Variants in SHISA9 observed in about 807,000 individuals in gnomAD.
The protein encoded by SHISA9 is protein shisa-9.
A neutral mutation model predicts 38.0 loss-of-function variants in SHISA9; 13 were observed. That is an observed-to-expected ratio of 0.34 (90% CI 0.22 to 0.54). SHISA9 has a LOEUF of 0.54. Among genes scored for constraint, SHISA9 ranks in the 20% least tolerant of loss-of-function variants. The pLI is 0.91. For synonymous variants in SHISA9, 275 were observed against 242.0 expected (o/e 1.14, Z -1.27); for missense variants, 538 against 575.8 (o/e 0.93, Z 0.67).
chr16:13,204,127 CTACCTAT>C (rs2051036570), intron 3 of SHISA9, among the ~76,000 whole-genome samples: 1 of 142,030 alleles, frequency 7.0e-6, no homozygotes. Flanking sequence ...TATCATCTAA[CTACCTAT>C]TATCTATCTA....
At chr16:12,959,496 G>C (rs554084481) in intron 2 of SHISA9, among the ~76,000 whole-genome samples, 1 of 152,048 alleles carries the variant, frequency 6.6e-6, no homozygotes, top group Non-Finnish European at 1.5e-5. Context: ...GTCCTCTTTC[G>C]AGGAAAAGAA....
At chr16:13,109,179 A>G (rs1314141287) in intron 2 of SHISA9, among the ~76,000 whole-genome samples, 4 of 152,150 alleles carry the variant, frequency 2.6e-5, no homozygotes, top group Non-Finnish European at 2.9e-5. Context: ...GATATGTGCC[A>G]TCATGCTTGG....
chr16:13,163,885 T>A (rs907113706), intron 2 of SHISA9, among the ~76,000 whole-genome samples: 1 of 152,080 alleles, frequency 6.6e-6, no homozygotes, highest in Non-Finnish European at 1.5e-5. Flanking sequence ...TTTTTTTAGA[T>A]TCCAAAGAAT....
chr16:13,479,306 A>T, the SHISA9 span, among the ~76,000 whole-genome samples: 5 of 152,154 alleles, frequency 3.3e-5, no homozygotes, highest in African/African-American at 9.7e-5. Flanking sequence ...CTGCAAAGCC[A>T]CTTTTGCCAT....
chr16:13,560,575 T>A, the SHISA9 span, among the ~76,000 whole-genome samples: 5 of 152,302 alleles, frequency 3.3e-5, no homozygotes, highest in South Asian at 1.0e-3. Flanking sequence ...AATTGTTAAT[T>A]GTTTTAAAGA....
At chr16:13,383,865 G>T in the SHISA9 span, among the ~76,000 whole-genome samples, 3 of 152,024 alleles carry the variant, frequency 2.0e-5, no homozygotes, top group Non-Finnish European at 4.4e-5. Flanking sequence ...ATGTTTCCCA[G>T]GCTGGTCTCA....
chr16:12,902,532 C>A lies in SHISA9; in HGVS notation c.468C>A (p.Ile156=). The change falls in exon 1 of 5, where the codon ATC becomes ATA. Residue 156 remains isoleucine (I), a synonymous_variant. Coordinates refer to ENST00000558583, the MANE Select transcript of SHISA9 (RefSeq NM_001145204.3). ...ACAAGACCAACCTGATCGTCTACAT[C>A]ATCTGCGGGGTGGTGGCCGTCATGG... ...TKDKTNLIVY[I]ICGVVAVMVL... The A allele has an allele frequency of 1.9e-6, 3 of 1,551,494 alleles. No homozygotes were observed. Among genetic ancestry groups the A allele is most frequent in the Non-Finnish European group, 2.6e-6 (3 of 1,146,994 alleles).
intron 2 of SHISA9, among the ~76,000 whole-genome samples, chr16:13,158,385 A>G (rs1323993926): frequency 6.6e-6 from 1 of 152,204 alleles, no homozygotes; most frequent in Non-Finnish European, 1.5e-5. Flanking sequence ...GAATTTCTGG[A>G]TGTCTGAGAA....
At chr16:13,189,066 A>G (rs67738272) in intron 2 of SHISA9, among the ~76,000 whole-genome samples, 25,055 of 152,224 alleles carry the variant, frequency 0.16, 2,528 homozygotes, top group African/African-American at 0.27. Context: ...GGAGAGAATC[A>G]TGGAGAACCC....
the SHISA9 span, among the ~76,000 whole-genome samples, chr16:13,320,292 C>CAAAAAAAAAAAAAAAAA: frequency 2.6e-5 from 1 of 38,978 alleles, no homozygotes; most frequent in African/African-American, 5.9e-5. Context: ...GACTCTGTCT[C>CAAAAAAAAAAAAAAAAA]AAAAAAAAAA....
the SHISA9 span, among the ~76,000 whole-genome samples, chr16:13,322,167 C>G: frequency 2.6e-5 from 4 of 152,326 alleles, no homozygotes; most frequent in African/African-American, 9.6e-5. Context: ...CTCGAAGGAG[C>G]TGAGTGCCTT....
intron 2 of SHISA9, among the ~76,000 whole-genome samples, chr16:13,087,695 T>A (rs1429531847): frequency 6.6e-6 from 1 of 152,238 alleles, no homozygotes; most frequent in Non-Finnish European, 1.5e-5. Context: ...CTTGTAAATT[T>A]GTTTGAGTTC....
the SHISA9 span, among the ~76,000 whole-genome samples, chr16:13,313,375 G>A: frequency 2.0e-5 from 3 of 152,164 alleles, no homozygotes; most frequent in South Asian, 6.2e-4. Flanking sequence ...TGGGAGAAGA[G>A]GCAGGAGAAA....
At chr16:13,368,523 T>G in the SHISA9 span, among the ~76,000 whole-genome samples, 1 of 152,028 alleles carries the variant, frequency 6.6e-6, no homozygotes, top group Admixed American at 6.6e-5. Flanking sequence ...TTTGTAGGAA[T>G]GAAGAGAGAG....
intron 2 of SHISA9, among the ~76,000 whole-genome samples, chr16:13,035,831 A>G (rs2073053363): frequency 6.6e-6 from 1 of 152,206 alleles, no homozygotes; most frequent in African/African-American, 2.4e-5. Flanking sequence ...TTAATATCAG[A>G]TTTAAATGGG....
chr16:13,177,160 G>A (rs1364160871), intron 2 of SHISA9, among the ~76,000 whole-genome samples: 1 of 152,152 alleles, frequency 6.6e-6, no homozygotes, highest in Non-Finnish European at 1.5e-5. Flanking sequence ...CACTTTGTTT[G>A]CACCAGGGAC....
chr16:13,325,976 G>A, the SHISA9 span, among the ~76,000 whole-genome samples: 1 of 150,756 alleles, frequency 6.6e-6, no homozygotes, highest in Non-Finnish European at 1.5e-5. Flanking sequence ...TAGATGACGG[G>A]TCGATGGGTG....
At chr16:13,285,462 G>GTTTT in the SHISA9 span, among the ~76,000 whole-genome samples, 25 of 95,786 alleles carry the variant, frequency 2.6e-4, 1 homozygote, top group Admixed American at 5.9e-4. Context: ...TTCAGGTGTA[G>GTTTT]TTTTTTTTTT....
chr16:12,925,278 T>C (rs2071378968), intron 2 of SHISA9, among the ~76,000 whole-genome samples: 1 of 152,206 alleles, frequency 6.6e-6, no homozygotes, highest in African/African-American at 2.4e-5. Flanking sequence ...TTCTTTGCCA[T>C]TTGTTCCTGT....
Sources: allele counts gnomAD v4.1 joint callset (sites outside exome capture counted in the v4.1 genomes callset), GRCh38; gene constraint gnomAD v4.1.1; transcripts MANE v1.5; gene names NCBI Gene and HGNC (gene_info 2026-07-23, HGNC 2026-07-21).